Variants in HS6ST3 observed in about 807,000 individuals in gnomAD.
HS6ST3 encodes the protein heparan sulfate 6-O-sulfotransferase 3, also known as heparan-sulfate 6-O-sulfotransferase 3.
In HS6ST3, 12 loss-of-function variants were observed where a neutral mutation model predicts 36.7. That is an observed-to-expected ratio of 0.33 (90% CI 0.21 to 0.53). The LOEUF is 0.53. HS6ST3 is among the 20% of genes least tolerant of loss of function. The pLI, the probability that HS6ST3 is intolerant of heterozygous loss-of-function variation, is 0.95. For synonymous variants in HS6ST3, 240 were observed against 257.5 expected (o/e 0.93, Z 0.65); for missense variants, 584 against 640.9 (o/e 0.91, Z 0.96).
chr13:96,714,918 G>A (rs1875654181), intron 1 of HS6ST3, among the ~76,000 whole-genome samples: 1 of 151,820 alleles, frequency 6.6e-6, no homozygotes, highest in Non-Finnish European at 1.5e-5. Flanking sequence ...TTTTGCCCAG[G>A]CTGGTCTTAA....
At chr13:96,511,197 A>T (rs904638857) in intron 1 of HS6ST3, among the ~76,000 whole-genome samples, 5 of 152,200 alleles carry the variant, frequency 3.3e-5, no homozygotes, top group Non-Finnish European at 5.9e-5. Flanking sequence ...ACACTCTGCC[A>T]TCACTGACCA....
At chr13:96,543,888 A>G (rs2056187479) in intron 1 of HS6ST3, among the ~76,000 whole-genome samples, 1 of 152,000 alleles carries the variant, frequency 6.6e-6, no homozygotes, top group Admixed American at 6.6e-5. Flanking sequence ...GACAGAATCA[A>G]ATTTTTTTTT....
At chr13:96,226,764 A>G (rs574614922) in intron 1 of HS6ST3, among the ~76,000 whole-genome samples, 1 of 152,340 alleles carries the variant, frequency 6.6e-6, no homozygotes, top group East Asian at 1.9e-4. Context: ...ACATCTTGGT[A>G]TGAATACACA....
At chr13:96,295,204 C>T (rs2054849081) in intron 1 of HS6ST3, among the ~76,000 whole-genome samples, 1 of 152,036 alleles carries the variant, frequency 6.6e-6, no homozygotes, top group African/African-American at 2.4e-5. Flanking sequence ...AAAATGATTC[C>T]ATTGAAACCT....
In HS6ST3 at chr13:96,229,106, C is replaced by T. The variant is rs149718213; in HGVS notation, c.707+137537C>T. Among the ~76,000 whole-genome samples, 525 of 152,242 alleles carry T rather than the reference C, an allele frequency of 3.4e-3. 5 individuals carry two copies. Among genetic ancestry groups the T allele is most frequent in the African/African-American group, 0.012 (503 of 41,528 alleles). ...ATCTGGTTTTGCTCTTTTGTATAGC[C>T]ATCAAAATACCAAAAAGTGAAATTA... is the stretch of plus-strand genomic sequence containing the variant. On this transcript the variant is annotated intron_variant, in intron 1 of 1. Transcript: ENST00000376705.
At chr13:96,171,823 A>G (rs1477421855) in intron 1 of HS6ST3, among the ~76,000 whole-genome samples, 2 of 152,222 alleles carry the variant, frequency 1.3e-5, no homozygotes, top group African/African-American at 2.4e-5. Context: ...TAATTCATAA[A>G]TAACTACAAT....
chr13:96,282,800 G>C, intron 1 of HS6ST3, among the ~76,000 whole-genome samples: 1 of 152,094 alleles, frequency 6.6e-6, no homozygotes, highest in East Asian at 1.9e-4. Context: ...AAAACCCGAG[G>C]CTGCATATTT....
intron 1 of HS6ST3, among the ~76,000 whole-genome samples, chr13:96,208,871 C>A (rs927444811): frequency 2.0e-5 from 3 of 152,168 alleles, no homozygotes; most frequent in African/African-American, 7.2e-5. Context: ...GATAACAAGG[C>A]AGATTTTTCC....
chr13:96,152,330 T>TGTTGTTG lies in HS6ST3; in HGVS notation c.707+60761_707+60762insGTTGTTG, dbSNP rs1555388348. Among the ~76,000 whole-genome samples, 3 of 63,336 alleles carry TGTTGTTG rather than the reference T, an allele frequency of 4.7e-5. 1 individual carries two copies. The highest frequency in any genetic ancestry group is 1.0e-4 in the Non-Finnish European group (3 of 28,702). 41.6% of individuals were successfully genotyped at this position (63,336 alleles called of 152,430 possible). On this transcript the variant is annotated intron_variant, in intron 1 of 1. Coordinates refer to ENST00000376705, the MANE Select transcript of HS6ST3 (RefSeq NM_153456.4). ...TGGCCCCTTTCCTTTTTTTTTTTTT[T>TGTTGTTG]TTTTTGTTGTTGTTGTTGTTGTTTT... is the stretch of plus-strand genomic sequence containing the variant.
At chr13:96,240,536 TTATTTAAG>T (rs2054555142) in intron 1 of HS6ST3, among the ~76,000 whole-genome samples, 1 of 152,156 alleles carries the variant, frequency 6.6e-6, no homozygotes, top group Non-Finnish European at 1.5e-5. Flanking sequence ...ACTAAGCCTT[TTATTTAAG>T]TAGGAATTGG....
intron 1 of HS6ST3, among the ~76,000 whole-genome samples, chr13:96,299,254 G>T (rs2054869980): frequency 6.6e-6 from 1 of 152,166 alleles, no homozygotes; most frequent in Admixed American, 6.6e-5. Flanking sequence ...GAATACAAAA[G>T]TCTACGGAGG....
intron 1 of HS6ST3, among the ~76,000 whole-genome samples, chr13:96,329,175 A>G (rs2055050581): frequency 6.9e-6 from 1 of 145,042 alleles, no homozygotes; most frequent in Admixed American, 6.8e-5. Flanking sequence ...TTGTGTCTCT[A>G]TTTCCTTCAG....
intron 1 of HS6ST3, among the ~76,000 whole-genome samples, chr13:96,740,597 C>T (rs1296121819): frequency 6.6e-6 from 1 of 152,170 alleles, no homozygotes; most frequent in South Asian, 2.1e-4. Flanking sequence ...TAATCACTCT[C>T]TTTGCTATGG....
rs545007588 is a variant in HS6ST3 at position 96,188,894 on chromosome 13, A to G, written c.707+97325A>G. Among the ~76,000 whole-genome samples the G allele has an allele frequency of 3.1e-3, 474 of 152,252 alleles. 3 individuals are homozygous for G. The highest frequency in any genetic ancestry group is 0.011 in the African/African-American group (455 of 41,566). ...ATGCTGGTATACAAGCTTTTTCCCA[A>G]TATACTATTTCGTATTTAATTTTTG... On this transcript the variant is annotated intron_variant, in intron 1 of 1. Coordinates refer to ENST00000376705, the MANE Select transcript of HS6ST3 (RefSeq NM_153456.4).
intron 1 of HS6ST3, among the ~76,000 whole-genome samples, chr13:96,681,355 T>C (rs2056717750): frequency 6.6e-6 from 1 of 152,128 alleles, no homozygotes; most frequent in South Asian, 2.1e-4. Flanking sequence ...ATACCTTCTC[T>C]CCATTCCAGT....
intron 1 of HS6ST3, among the ~76,000 whole-genome samples, chr13:96,760,650 T>A (rs891883330): frequency 5.9e-5 from 9 of 152,218 alleles, no homozygotes; most frequent in African/African-American, 1.9e-4. Context: ...GATAATATAA[T>A]CATATATCTT....
intron 1 of HS6ST3, among the ~76,000 whole-genome samples, chr13:96,630,918 T>C (rs1444179148): frequency 6.6e-6 from 1 of 152,184 alleles, no homozygotes; most frequent in African/African-American, 2.4e-5. Context: ...TTTTGTGTAG[T>C]GTCTGTTGGA....
At chr13:96,430,694 A>T (rs2055610963) in intron 1 of HS6ST3, among the ~76,000 whole-genome samples, 1 of 152,166 alleles carries the variant, frequency 6.6e-6, no homozygotes, top group Non-Finnish European at 1.5e-5. Context: ...GGCTCCCCTG[A>T]GGCCAACTTC....
chr13:96,362,964 CA>C (rs1287051749), intron 1 of HS6ST3, among the ~76,000 whole-genome samples: 2 of 152,014 alleles, frequency 1.3e-5, no homozygotes, highest in African/African-American at 2.4e-5. Context: ...CTTGAAATTA[CA>C]AAATTATAGA....
Sources: gnomAD v4.1 joint callset for allele counts (sites outside exome capture counted in the v4.1 genomes callset) on GRCh38, gnomAD v4.1.1 for gene constraint, MANE v1.5 for transcripts, NCBI Gene and HGNC (gene_info 2026-07-23, HGNC 2026-07-21) for gene names.